The following SLC41A2 variants were observed in gnomAD, a reference collection of about 807,000 sequenced individuals.
The protein encoded by SLC41A2 is SLC41A1-like 1.
In SLC41A2, 32 loss-of-function variants were observed where a neutral mutation model predicts 58.3. The observed-to-expected ratio is 0.55, with a 90% CI of 0.41 to 0.74. The LOEUF is 0.74. SLC41A2 is among the 30% of genes least tolerant of loss of function. The pLI, the probability that SLC41A2 is intolerant of heterozygous loss-of-function variation, is 0.00. For synonymous variants in SLC41A2, 190 were observed against 235.0 expected (o/e 0.81, Z 1.75); for missense variants, 514 against 680.6 (o/e 0.76, Z 2.72).
chr12:104,931,313 A>G (rs144218165), intron 1 of SLC41A2, among the ~76,000 whole-genome samples: 1 of 152,302 alleles, frequency 6.6e-6, no homozygotes, highest in East Asian at 1.9e-4. Context: ...TGGTAAATCC[A>G]TTTCCCTATT....
At chr12:104,938,041 A>T (rs571493324) in intron 1 of SLC41A2, among the ~76,000 whole-genome samples, 25 of 152,334 alleles carry the variant, frequency 1.6e-4, no homozygotes, top group African/African-American at 6.0e-4. Context: ...CCTGCCCTAA[A>T]GAAATTCACA....
At chr12:104,841,280 G>A (rs998624876) in intron 10 of SLC41A2, among the ~76,000 whole-genome samples, 2 of 151,622 alleles carry the variant, frequency 1.3e-5, no homozygotes, top group Non-Finnish European at 2.9e-5. Context: ...TGTCAGTGAG[G>A]AAACTGGTGT....
chr12:104,845,369 G>A (rs1416268113), intron 9 of SLC41A2, among the ~76,000 whole-genome samples: 1 of 152,154 alleles, frequency 6.6e-6, no homozygotes, highest in Non-Finnish European at 1.5e-5. Context: ...GACAAGAATT[G>A]TGAAGTTTAA....
chr12:104,907,108 G>T (rs2045886014), intron 3 of SLC41A2, among the ~76,000 whole-genome samples: 1 of 151,452 alleles, frequency 6.6e-6, no homozygotes, highest in African/African-American at 2.4e-5. Context: ...TTTTCCATGG[G>T]TTATATATAA....
chr12:104,879,582 G>C (rs1034276698), intron 6 of SLC41A2, among the ~76,000 whole-genome samples: 1 of 152,090 alleles, frequency 6.6e-6, no homozygotes. Context: ...TTTTTGTCAG[G>C]TTTGTCAAAG....
intron 8 of SLC41A2, among the ~76,000 whole-genome samples, chr12:104,853,937 T>TTTTTTTTTTTTTTTTC (rs2042922143): frequency 7.0e-6 from 1 of 143,002 alleles, no homozygotes; most frequent in Admixed American, 7.1e-5. Flanking sequence ...TTTTTTTTTT[T>TTTTTTTTTTTTTTTTC]TTAGTAGAAC....
chr12:104,851,211 T>C (rs2042786397), intron 8 of SLC41A2, among the ~76,000 whole-genome samples: 1 of 152,176 alleles, frequency 6.6e-6, no homozygotes, highest in African/African-American at 2.4e-5. Flanking sequence ...GTAAATAATG[T>C]GATTCTGACT....
chr12:104,935,486 AAAAT>A (rs1467654085), intron 1 of SLC41A2, among the ~76,000 whole-genome samples: 2 of 152,170 alleles, frequency 1.3e-5, no homozygotes, highest in South Asian at 2.1e-4. Context: ...TTATTTATTA[AAAAT>A]AAATAAAATT....
chr12:104,898,552 A>G (rs2135719703), intron 3 of SLC41A2, among the ~76,000 whole-genome samples: 1 of 152,058 alleles, frequency 6.6e-6, no homozygotes, highest in African/African-American at 2.4e-5. Flanking sequence ...TGCAAAAAAA[A>G]AAAAAACTAT....
At chr12:104,839,504 T>C (rs1251847876) in intron 10 of SLC41A2, among the ~76,000 whole-genome samples, 1 of 149,960 alleles carries the variant, frequency 6.7e-6, no homozygotes, top group African/African-American at 2.4e-5. Flanking sequence ...GTTTTTCTTT[T>C]TTTTTTCTTT....
chr12:104,945,119 G>A (rs184012216), intron 1 of SLC41A2, among the ~76,000 whole-genome samples: 162 of 150,840 alleles, frequency 1.1e-3, no homozygotes, highest in African/African-American at 3.4e-3. Context: ...GCAGTGAGCC[G>A]AGATCACACC....
chr12:104,814,317 A>C (rs1457809226), intron 10 of SLC41A2, among the ~76,000 whole-genome samples: 1 of 152,084 alleles, frequency 6.6e-6, no homozygotes, highest in African/African-American at 2.4e-5. Flanking sequence ...TCCAGGAGGC[A>C]GAGCTTGCAG....
chr12:104,813,558 GTAGT>G (rs2136211609), intron 10 of SLC41A2, among the ~76,000 whole-genome samples: 1 of 152,274 alleles, frequency 6.6e-6, no homozygotes, highest in East Asian at 1.9e-4. Flanking sequence ...GGACTATTTA[GTAGT>G]TAAAGAGTTT....
intron 10 of SLC41A2, among the ~76,000 whole-genome samples, chr12:104,825,667 TACAA>T (rs2041816148): frequency 6.6e-6 from 1 of 152,188 alleles, no homozygotes; most frequent in Non-Finnish European, 1.5e-5. Context: ...TCTAAACAGA[TACAA>T]ACAGCCTCTG....
chr12:104,810,928 T>C (rs554308200), intron 10 of SLC41A2, among the ~76,000 whole-genome samples: 15 of 152,308 alleles, frequency 9.8e-5, no homozygotes, highest in African/African-American at 3.6e-4. Context: ...TTAGTAAAAA[T>C]AGAACTTTAC....
chr12:104,923,772 AC>A (rs770580283), intron 2 of SLC41A2, among the ~76,000 whole-genome samples: 1 of 152,182 alleles, frequency 6.6e-6, no homozygotes, highest in Non-Finnish European at 1.5e-5. Context: ...GAAATAGAAA[AC>A]CTCAAGAAAC....
At chr12:104,933,212 G>T (rs1234851252) in intron 1 of SLC41A2, among the ~76,000 whole-genome samples, 1 of 152,044 alleles carries the variant, frequency 6.6e-6, no homozygotes, top group Non-Finnish European at 1.5e-5. Flanking sequence ...TCAGAAAGTA[G>T]GCAAATGACA....
chr12:104,872,673 T>C (rs1481291787), intron 6 of SLC41A2, among the ~76,000 whole-genome samples: 1 of 151,172 alleles, frequency 6.6e-6, no homozygotes, highest in East Asian at 1.9e-4. Context: ...GAGGTTGCAG[T>C]GAGCCGAGAT....
intron 3 of SLC41A2, among the ~76,000 whole-genome samples, chr12:104,905,638 C>T (rs1223093312): frequency 6.6e-6 from 1 of 152,236 alleles, no homozygotes; most frequent in East Asian, 1.9e-4. Context: ...TGGCAGGCTG[C>T]AGGTCCTGAG....
Sources: gnomAD v4.1 joint callset for allele counts (sites outside exome capture counted in the v4.1 genomes callset) on GRCh38, gnomAD v4.1.1 for gene constraint, MANE v1.5 for transcripts, NCBI Gene and HGNC (gene_info 2026-07-23, HGNC 2026-07-21) for gene names.